SLC26A11: variants seen among roughly 807,000 people sequenced by gnomAD.
The protein encoded by SLC26A11 is solute carrier family 26 member 11.
Under a neutral mutation model 62.2 loss-of-function variants are expected in SLC26A11, and 58 were observed. The ratio of observed to expected loss-of-function variants is 0.93; its 90% confidence interval spans 0.76 to 1.16. The LOEUF is 1.16. Among genes scored for constraint, SLC26A11 ranks in the 50% most tolerant of loss-of-function variants. The pLI, the probability that SLC26A11 is intolerant of heterozygous loss-of-function variation, is 0.00. For missense variants in SLC26A11, 790 were observed against 794.3 expected, an observed-to-expected ratio of 0.99 and a Z score of 0.06; for synonymous variants, 411 against 368.9, an observed-to-expected ratio of 1.11 and a Z score of -1.31.
At chr17:80,247,556 A>G (rs78273915) in intron 13 of SLC26A11, among the ~76,000 whole-genome samples, 15,655 of 152,292 alleles carry the variant, frequency 0.1, 935 homozygotes, top group African/African-American at 0.15. Flanking sequence ...GCAAGTTGCC[A>G]GGTGAAAGGA....
At position 80,241,813 on chromosome 17, in the gene SLC26A11, T is replaced by A. The variant is rs147429148; in HGVS notation, c.1028T>A (p.Leu343Gln). ...NYRIDANQEL[L>Q]AIGLTNMLGS... ...CGCATCGATGCCAACCAGGAGCTGC[T>A]GGCCATCGGTAAGACCCCAGCCGCG... The change falls in exon 10 of 18, where the codon CTG (leucine) becomes CAG (glutamine). Residue 343 changes from leucine to glutamine, a missense_variant. Physicochemically the swap from Leu to Gln is moderately radical, Grantham distance 113. Transcript: ENST00000361193. 7 of 1,614,206 alleles carry A rather than the reference T, an allele frequency of 4.3e-6. No homozygotes were observed. Among genetic ancestry groups the A allele is most frequent in the Non-Finnish European group, 5.9e-6 (7 of 1,180,034 alleles).
chr17:80,236,743 A>G, intron 7 of SLC26A11, 185 bp from the exon 8 acceptor site: 1 of 649,132 alleles, frequency 1.5e-6, no homozygotes, highest in Non-Finnish European at 2.6e-6. Context: ...CTGCCGTCCC[A>G]CCTGCTTATG....
At chr17:80,234,343 C>T (rs1431689516) in intron 7 of SLC26A11, among the ~76,000 whole-genome samples, 1 of 152,214 alleles carries the variant, frequency 6.6e-6, no homozygotes, top group Non-Finnish European at 1.5e-5. Context: ...TCTTCTGGCC[C>T]ACTTCGTTTC....
rs2043054407 is a variant in SLC26A11 at position 80,248,045 on chromosome 17, G to A, written c.1295-85G>A. 7 of 1,445,594 alleles carry A rather than the reference G, an allele frequency of 4.8e-6. No homozygotes were observed. In the South Asian group the frequency reaches 7.1e-5, roughly 15 times the overall value. The allele number at this position is 1,445,594 out of a possible 1,614,324, so 89.5% of individuals were successfully genotyped here. ...GAGCACCTTTACTCATATGTGGGGG[G>A]CAGAAAGCTGTCCCGCTGGTCAGCA... On this transcript the variant is annotated intron_variant, in intron 13 of 17. Transcript: ENST00000361193.
At chr17:80,229,416 A>G (rs1209560137) in intron 7 of SLC26A11, among the ~76,000 whole-genome samples, 2 of 150,654 alleles carry the variant, frequency 1.3e-5, no homozygotes, top group African/African-American at 4.9e-5. Flanking sequence ...ATGCTTTGTT[A>G]TCTTTGTTAT....
Position 80,222,375 on chromosome 17 carries a change from C to CAAA in SLC26A11, c.235-267_235-265dup, listed in dbSNP as rs61009710. On this transcript the variant is annotated intron_variant, in intron 3 of 17. Transcript: ENST00000361193. The surrounding 1 kb of genome is among the most constrained non-coding windows in gnomAD (Gnocchi z 4.7). ...TGGGCGACAGAGCGAGACTCCATCT[C>CAAA]AAAAAAAAAAAAAAAGAATGCTTCC... The CAAA allele has an allele frequency of 1.9e-3, 463 of 244,890 alleles. 2 individuals carry two copies. The highest frequency in any genetic ancestry group is 8.1e-3 in the African/African-American group (303 of 37,454). 15.2% of individuals were successfully genotyped at this position (244,890 alleles called of 1,614,324 possible). A position where few individuals can be genotyped will look rare whatever the true frequency, so the allele number is the denominator to read the frequency against.
chr17:80,250,854 C>T (rs1035029630), intron 16 of SLC26A11, among the ~76,000 whole-genome samples: 1 of 144,474 alleles, frequency 6.9e-6, no homozygotes, highest in Non-Finnish European at 1.5e-5. Context: ...ACAAAAAGTC[C>T]TCTGGGCCAG....
At chr17:80,239,408 G>A (rs141387570) in intron 9 of SLC26A11, among the ~76,000 whole-genome samples, 21,228 of 137,194 alleles carry the variant, frequency 0.15, 2,426 homozygotes, top group African/African-American at 0.33. Context: ...TTTTTTTTTC[G>A]AGACGGAGTC....
At chr17:80,247,610 C>T (rs530492015) in intron 13 of SLC26A11, among the ~76,000 whole-genome samples, 8 of 152,332 alleles carry the variant, frequency 5.3e-5, no homozygotes, top group Admixed American at 1.3e-4. Context: ...GGGCCTTTCG[C>T]GTGCCAGTGC....
In SLC26A11 at chr17:80,252,657, C is replaced by T. The variant is rs758689885; in HGVS notation, c.1762C>T (p.Pro588Ser). Reference sequence around the variant, plus strand: ...CCTGAGGCAGGAGCCAGGGACCCAGCCCTACAACATCAGAGAAGACTCCAT... The same window carrying T: ...CCTGAGGCAGGAGCCAGGGACCCAGTCCTACAACATCAGAGAAGACTCCAT... ...KHLRQEPGTQ[P>S]YNIREDSILD... is the part of the protein sequence containing the mutation. Residue 588 changes from proline to serine, a missense_variant, in exon 18 of 18, where the codon CCC becomes TCC. Coordinates refer to ENST00000361193, the MANE Select transcript of SLC26A11 (RefSeq NM_001166347.2). The surrounding 1 kb of genome is among the most constrained non-coding windows in gnomAD (Gnocchi z 5.2). 5.6e-6 allele frequency: 9 copies of T among 1,613,860 alleles called. No individual in the cohort carries two copies. The highest frequency in any genetic ancestry group is 8.5e-7 in the Non-Finnish European group (1 of 1,179,972).
In SLC26A11 at chr17:80,242,017, C is replaced by T. The variant is rs183702597; in HGVS notation, c.1036+196C>T. Among the ~76,000 whole-genome samples, 1,118 of 152,368 alleles carry T rather than the reference C, an allele frequency of 7.3e-3. 18 individuals are homozygous for T. The highest frequency in any genetic ancestry group is 0.044 in the Admixed American group (667 of 15,310). ...TTTGAGATGGAGTCTCACTCTGTTG[C>T]CCAGGCAGGAGTGCAGTGGCACGAT... On this transcript the variant is annotated intron_variant, in intron 10 of 17. Coordinates refer to ENST00000361193, the MANE Select transcript of SLC26A11 (RefSeq NM_001166347.2).
intron 7 of SLC26A11, among the ~76,000 whole-genome samples, chr17:80,234,911 G>A (rs968542253): frequency 2.0e-5 from 3 of 150,564 alleles, no homozygotes; most frequent in Admixed American, 6.6e-5. Context: ...GTGCAATGGC[G>A]CGGTCTTGGC....
Position 80,222,930 on chromosome 17 carries a change from T to C in SLC26A11, c.427+83T>C. On this transcript the variant is annotated intron_variant, in intron 4 of 17. Coordinates refer to ENST00000361193, the MANE Select transcript of SLC26A11 (RefSeq NM_001166347.2). The surrounding 1 kb of genome is among the most constrained non-coding windows in gnomAD (Gnocchi z 4.7). ...CATTTCAAGTCTATCCCCGTGTGCGTGTGTGTGCGTGTTGGGGTGTGGGTA... is the reference window on the plus strand; with the variant it reads ...CATTTCAAGTCTATCCCCGTGTGCGCGTGTGTGCGTGTTGGGGTGTGGGTA... 7.3e-7 allele frequency: 1 copy of C among 1,366,102 alleles called. No individual in the cohort carries two copies. The highest frequency in any genetic ancestry group is 9.8e-7 in the Non-Finnish European group (1 of 1,018,134). 84.6% of individuals were successfully genotyped at this position (1,366,102 alleles called of 1,614,324 possible). A position where few individuals can be genotyped will look rare whatever the true frequency, so the allele number is the denominator to read the frequency against.
intron 7 of SLC26A11, among the ~76,000 whole-genome samples, chr17:80,229,548 G>T (rs955772852): frequency 6.6e-6 from 1 of 152,008 alleles, no homozygotes; most frequent in Non-Finnish European, 1.5e-5. Flanking sequence ...TCCCGCCTCA[G>T]CCTCGCGAGT....
In SLC26A11 at chr17:80,222,375, CA is replaced by C. The variant is rs61009710; in HGVS notation, c.235-265del. The C allele has an allele frequency of 0.069, 16,695 of 243,220 alleles. No individual in the cohort carries two copies. Among genetic ancestry groups the C allele is most frequent in the East Asian group, 0.1 (1,260 of 12,422 alleles). The allele number at this position is 243,220 out of a possible 1,614,324, so 15.1% of individuals were successfully genotyped here. On this transcript the variant is annotated intron_variant, in intron 3 of 17. Coordinates refer to ENST00000361193, the MANE Select transcript of SLC26A11 (RefSeq NM_001166347.2). The surrounding 1 kb of genome is among the most constrained non-coding windows in gnomAD (Gnocchi z 4.7). Reference sequence around the variant, plus strand: ...TGGGCGACAGAGCGAGACTCCATCTCAAAAAAAAAAAAAAAGAATGCTTCCT... The same window carrying C: ...TGGGCGACAGAGCGAGACTCCATCTCAAAAAAAAAAAAAAGAATGCTTCCT...
rs748695175 is a variant in SLC26A11, at chr17:80,249,138, G to C, written c.1523-16G>C. 6.2e-7 allele frequency: 1 copy of C among 1,601,244 alleles called. No homozygotes were observed. Among genetic ancestry groups the C allele is most frequent in the South Asian group, 1.1e-5 (1 of 90,350 alleles). ...TGCTCTGGGTGGCGTGACCTGGCTC[G>C]GGCCTGTCTCCCCAGTGTCCCCGCC... is the stretch of plus-strand genomic sequence containing the variant. On this transcript the variant is annotated splice_polypyrimidine_tract_variant and intron_variant, in intron 15 of 17. Transcript: ENST00000361193.
chr17:80,225,561 T>C (rs1024066578), intron 5 of SLC26A11: 2 of 381,268 alleles, frequency 5.2e-6, no homozygotes, highest in Non-Finnish European at 4.8e-6. Context: ...ACCTACATTG[T>C]TTTTTATGAG....
rs745732755 is a variant in SLC26A11 at position 80,252,562 on chromosome 17, T to C, written c.1730-63T>C. On this transcript the variant is annotated intron_variant, in intron 17 of 17. Transcript: ENST00000361193. This position sits in a 1 kb window ranked among gnomAD's most constrained non-coding sequence, Gnocchi z 5.2. ...GAAGGCCCTCCTTAATCCCTTCCTGTGAACTGACCCATCCTCACTTCTGAG... is the reference window on the plus strand; with the variant it reads ...GAAGGCCCTCCTTAATCCCTTCCTGCGAACTGACCCATCCTCACTTCTGAG... 6.6e-7 allele frequency: 1 copy of C among 1,523,026 alleles called. No homozygotes were observed. The highest frequency in any genetic ancestry group is 9.0e-7 in the Non-Finnish European group (1 of 1,105,548). The allele number at this position is 1,523,026 out of a possible 1,614,324, so 94.3% of individuals were successfully genotyped here. A position where few individuals can be genotyped will look rare whatever the true frequency, so the allele number is the denominator to read the frequency against.
intron 9 of SLC26A11, among the ~76,000 whole-genome samples, chr17:80,240,895 G>C (rs938009929): frequency 2.0e-5 from 3 of 152,164 alleles, no homozygotes; most frequent in African/African-American, 7.2e-5. Context: ...AGGATTGCTT[G>C]AGCTTAGGAG....
Sources: allele counts gnomAD v4.1 joint callset (sites outside exome capture counted in the v4.1 genomes callset), GRCh38; gene constraint gnomAD v4.1.1; non-coding constraint Gnocchi (gnomAD v3.1); transcripts MANE v1.5; gene names NCBI Gene and HGNC (gene_info 2026-07-23, HGNC 2026-07-21).